Variants in KLHL32 observed in about 807,000 individuals in gnomAD.
KLHL32 encodes the protein kelch-like protein 32.
Under a neutral mutation model 64.8 loss-of-function variants are expected in KLHL32, and 35 were observed. The ratio of observed to expected loss-of-function variants is 0.54; its 90% CI spans 0.41 to 0.72. KLHL32 has a LOEUF of 0.72. KLHL32 is among the 30% of genes least tolerant of loss of function. The pLI is 0.00. For synonymous variants in KLHL32, 259 were observed against 281.0 expected (o/e 0.92, Z 0.78); for missense variants, 589 against 768.5 (o/e 0.77, Z 2.76).
In KLHL32 at chr6:97,085,452, GT is replaced by G. The variant is rs1264783973; in HGVS notation, c.627+113del. Reference sequence around the variant, plus strand: ...TTTTAGTGGCTTTGGTCCTCATGGAGTTGTTTTAGAAGTCATGCTTCCTTGA... The same window carrying G: ...TTTTAGTGGCTTTGGTCCTCATGGAGTGTTTTAGAAGTCATGCTTCCTTGA... On this transcript the variant is annotated intron_variant, in intron 6 of 10. Transcript: ENST00000369261. 8.7e-6 allele frequency: 8 copies of G among 916,046 alleles called. No homozygotes were observed. In the Admixed American group the frequency reaches 1.3e-4, roughly 15 times the overall value. The allele number at this position is 916,046 out of a possible 1,614,324, so 56.7% of individuals were successfully genotyped here.
chr6:96,903,785 G>T, the KLHL32 span, among the ~76,000 whole-genome samples: 4 of 152,254 alleles, frequency 2.6e-5, no homozygotes, highest in East Asian at 7.7e-4. Context: ...AATACATTTA[G>T]CTAACAGGGA....
intron 4 of KLHL32, among the ~76,000 whole-genome samples, chr6:97,046,532 T>G (rs1356316857): frequency 6.6e-6 from 1 of 152,230 alleles, no homozygotes. Flanking sequence ...GGGCTTAGAC[T>G]TGTTCTCCCT....
chr6:96,921,896 T>C (rs1768765318), upstream of KLHL32, among the ~76,000 whole-genome samples: 1 of 152,118 alleles, frequency 6.6e-6, no homozygotes, highest in African/African-American at 2.4e-5. Flanking sequence ...CTGCAGAAAC[T>C]TGTGTTCCAA....
intron 4 of KLHL32, among the ~76,000 whole-genome samples, chr6:97,049,408 G>A (rs1045696282): frequency 1.3e-5 from 2 of 152,188 alleles, no homozygotes; most frequent in African/African-American, 4.8e-5. Context: ...ACAAAGGAAT[G>A]ATTCATGTCT....
chr6:96,987,517 G>A (rs144860798), intron 3 of KLHL32, among the ~76,000 whole-genome samples: 1 of 152,234 alleles, frequency 6.6e-6, no homozygotes, highest in African/African-American at 2.4e-5. Flanking sequence ...CATGAAAATG[G>A]CCATACTGCC....
the KLHL32 span, among the ~76,000 whole-genome samples, chr6:96,911,801 A>G: frequency 8.7e-6 from 1 of 114,924 alleles, no homozygotes; most frequent in African/African-American, 3.3e-5. Flanking sequence ...TTCTTTTTCC[A>G]TATATCTCCC....
At chr6:96,955,363 A>T (rs1235433596) in intron 1 of KLHL32, among the ~76,000 whole-genome samples, 1 of 152,078 alleles carries the variant, frequency 6.6e-6, no homozygotes, top group East Asian at 1.9e-4. Context: ...GTTATTATGC[A>T]TCCAACTGTT....
At chr6:97,044,972 CTT>C (rs1017277335) in intron 4 of KLHL32, among the ~76,000 whole-genome samples, 2 of 151,638 alleles carry the variant, frequency 1.3e-5, no homozygotes, top group Non-Finnish European at 2.9e-5. Flanking sequence ...TTTCATTAAT[CTT>C]TTCTATTGTC....
At position 97,039,689 on chromosome 6, in the gene KLHL32, G is replaced by A. The variant is rs768354555; in HGVS notation, c.205-1803G>A. On this transcript the variant is annotated intron_variant, in intron 3 of 10. Coordinates refer to ENST00000369261, the MANE Select transcript of KLHL32 (RefSeq NM_052904.4). ...ACAAAAATTAGCCAGGAGTGGTGGC[G>A]GGCACCTATAGTCCCAGCTACTCGG... Among the ~76,000 whole-genome samples the A allele has an allele frequency of 1.6e-4, 23 of 143,250 alleles. 4 individuals are homozygous for A. The highest frequency in any genetic ancestry group is 3.3e-4 in the African/African-American group (12 of 36,068). The allele number at this position is 143,250 out of a possible 152,430, so 94.0% of individuals were successfully genotyped here. A position where few individuals can be genotyped will look rare whatever the true frequency, so the allele number is the denominator to read the frequency against.
intron 3 of KLHL32, among the ~76,000 whole-genome samples, chr6:97,030,899 T>C (rs1259966090): frequency 6.6e-6 from 1 of 152,226 alleles, no homozygotes; most frequent in African/African-American, 2.4e-5. Flanking sequence ...TTGAAGATGA[T>C]ATTGGTTGAT....
At chr6:96,945,689 G>A (rs966988115) in intron 1 of KLHL32, among the ~76,000 whole-genome samples, 1 of 152,188 alleles carries the variant, frequency 6.6e-6, no homozygotes, top group African/African-American at 2.4e-5. Context: ...TAAAATTTTG[G>A]TCATTGTAGG....
chr6:96,975,525 C>A (rs1775599206), intron 2 of KLHL32, among the ~76,000 whole-genome samples: 1 of 152,072 alleles, frequency 6.6e-6, no homozygotes, highest in African/African-American at 2.4e-5. Flanking sequence ...AGTCTTGTGT[C>A]CTGTGGGAGA....
chr6:96,995,081 C>G (rs1778275487), intron 3 of KLHL32, among the ~76,000 whole-genome samples: 1 of 152,166 alleles, frequency 6.6e-6, no homozygotes, highest in South Asian at 2.1e-4. Flanking sequence ...GTTTTTTCAT[C>G]TATACATTGA....
chr6:97,048,717 C>T (rs1050552537), intron 4 of KLHL32, among the ~76,000 whole-genome samples: 1 of 152,210 alleles, frequency 6.6e-6, no homozygotes, highest in African/African-American at 2.4e-5. Context: ...TCAGGCCAGG[C>T]AGCAGAGTGA....
intron 5 of KLHL32, among the ~76,000 whole-genome samples, chr6:97,075,171 A>G (rs1044477704): frequency 6.6e-6 from 1 of 152,180 alleles, no homozygotes; most frequent in Non-Finnish European, 1.5e-5. Flanking sequence ...GCACAAATGT[A>G]TTTAAATAGG....
chr6:96,922,437 C>T (rs577628474), upstream of KLHL32, among the ~76,000 whole-genome samples: 3 of 152,048 alleles, frequency 2.0e-5, no homozygotes, highest in Non-Finnish European at 4.4e-5. Flanking sequence ...TCCTGATATC[C>T]TTCTACTAAG....
chr6:97,135,367 G>A (rs1414246219), intron 10 of KLHL32, among the ~76,000 whole-genome samples: 3 of 139,604 alleles, frequency 2.1e-5, no homozygotes, highest in South Asian at 4.5e-4. Flanking sequence ...GTGCAGTGGC[G>A]TGATCTTGGC....
the KLHL32 span, among the ~76,000 whole-genome samples, chr6:96,899,527 A>C: frequency 3.9e-5 from 6 of 152,218 alleles, no homozygotes; most frequent in Non-Finnish European, 8.8e-5. Context: ...ACAATATGAA[A>C]TAATTATTTG....
intron 9 of KLHL32, among the ~76,000 whole-genome samples, 150 bp from the exon 10 acceptor site, chr6:97,132,496 TCTGAGTA>T (rs59820477): frequency 0.012 from 1,780 of 152,298 alleles, 34 homozygotes; most frequent in African/African-American, 0.04. Context: ...GCTTAATTTT[TCTGAGTA>T]CTGGGAGGCA....
Sources: allele counts gnomAD v4.1 joint callset (sites outside exome capture counted in the v4.1 genomes callset), GRCh38; gene constraint gnomAD v4.1.1; transcripts MANE v1.5; gene names NCBI Gene and HGNC (gene_info 2026-07-23, HGNC 2026-07-21).